Variants in TMOD3 observed in about 807,000 individuals in gnomAD.
The protein encoded by TMOD3 is tropomodulin-3.
TMOD3 carries 20 observed loss-of-function variants against 39.2 expected under a neutral mutation model. The ratio of observed to expected loss-of-function variants is 0.51; its 90% CI spans 0.36 to 0.74. TMOD3 has a LOEUF of 0.74. Among genes scored for constraint, TMOD3 ranks in the 30% least tolerant of loss-of-function variants. The probability of loss-of-function intolerance (pLI) is 0.00; values close to 1 mark genes in which losing one functional copy is unlikely to be tolerated. For synonymous variants in TMOD3, 143 were observed against 145.8 expected, an observed-to-expected ratio of 0.98 and a Z score of 0.14; for missense variants, 381 against 412.8, an observed-to-expected ratio of 0.92 and a Z score of 0.67.
intron 9 of TMOD3, among the ~76,000 whole-genome samples, chr15:51,906,424 T>C (rs920828208): frequency 1.3e-5 from 2 of 152,230 alleles, no homozygotes; most frequent in Admixed American, 1.3e-4. Context: ...CTCATTGTTT[T>C]CTTAGTCTCA....
At chr15:51,859,349 T>G in intron 1 of TMOD3, 1 of 708,444 alleles carries the variant, frequency 1.4e-6, no homozygotes, top group Non-Finnish European at 2.7e-6. Flanking sequence ...GATCAGAATC[T>G]ACAGATCCAA....
At chr15:51,895,214 A>G (rs2056614461) in intron 6 of TMOD3, among the ~76,000 whole-genome samples, 1 of 150,052 alleles carries the variant, frequency 6.7e-6, no homozygotes, top group South Asian at 2.1e-4. Flanking sequence ...GTTGATTACT[A>G]ACTTTTTTTT....
At chr15:51,897,794 A>C (rs947302057) in intron 7 of TMOD3, among the ~76,000 whole-genome samples, 3 of 150,978 alleles carry the variant, frequency 2.0e-5, no homozygotes, top group African/African-American at 7.3e-5. Context: ...AAAAAAAAAA[A>C]AAAACAAAAA....
intron 7 of TMOD3, 56 bp downstream of exon 7, chr15:51,896,582 T>A: frequency 7.5e-7 from 1 of 1,334,208 alleles, no homozygotes; most frequent in Non-Finnish European, 1.1e-6. Context: ...TGTGTTACAG[T>A]GGTGATTTTT....
At chr15:51,841,079 CT>C (rs1307171435) in intron 1 of TMOD3, among the ~76,000 whole-genome samples, 2 of 152,130 alleles carry the variant, frequency 1.3e-5, no homozygotes, top group Non-Finnish European at 2.9e-5. Flanking sequence ...GGCTCTTAGC[CT>C]TTCTGAGCTT....
chr15:51,860,369 A>C, intron 1 of TMOD3: 2 of 543,412 alleles, frequency 3.7e-6, no homozygotes, highest in Middle Eastern at 6.3e-4. Context: ...GATTCTCCAC[A>C]TCCATGTTGG....
At chr15:51,845,511 C>G (rs1409146506) in intron 1 of TMOD3, among the ~76,000 whole-genome samples, 1 of 152,152 alleles carries the variant, frequency 6.6e-6, no homozygotes. Flanking sequence ...TAATTCCGTA[C>G]TTTGGGAGGC....
intron 3 of TMOD3, among the ~76,000 whole-genome samples, chr15:51,883,947 A>G (rs554388865): frequency 2.0e-5 from 3 of 152,252 alleles, no homozygotes; most frequent in Admixed American, 1.3e-4. Flanking sequence ...TGGAATTATC[A>G]GGACATAATG....
chr15:51,841,855 C>T (rs190444323), intron 1 of TMOD3, among the ~76,000 whole-genome samples: 12 of 152,254 alleles, frequency 7.9e-5, no homozygotes, highest in African/African-American at 2.2e-4. Flanking sequence ...CTGCAACCTC[C>T]GCTTCCTGTG....
chr15:51,862,913 A>G lies in TMOD3; in HGVS notation c.29A>G (p.Glu10Gly), dbSNP rs1465697804. 6.2e-7 allele frequency: 1 copy of G among 1,614,014 alleles called. No homozygotes were observed. Among genetic ancestry groups the G allele is most frequent in the East Asian group, 2.2e-5 (1 of 44,876 alleles). ...GCACTGCCATTCCGTAAGGACTTAG[A>G]AAAGTACAAAGACCTTGATGAAGAT... MALPFRKDLEKYKDLDEDEL... is the reference protein window; with the variant it reads MALPFRKDLGKYKDLDEDEL... Residue 10 changes from glutamate to glycine, a missense_variant, in exon 2 of 10, where the codon GAA (glutamate) becomes GGA (glycine). Physicochemically the swap from Glu to Gly is moderately conservative, Grantham distance 98. Transcript: ENST00000308580.
At chr15:51,850,303 G>T (rs1188501682) in intron 1 of TMOD3, among the ~76,000 whole-genome samples, 1 of 152,160 alleles carries the variant, frequency 6.6e-6, no homozygotes, top group Non-Finnish European at 1.5e-5. Flanking sequence ...GTATAAATGA[G>T]CAGGGATGGG....
chr15:51,860,245 G>A (rs375167057), intron 1 of TMOD3: 8 of 508,308 alleles, frequency 1.6e-5, no homozygotes, highest in Non-Finnish European at 2.3e-5. Context: ...AAGTCAAATC[G>A]CTGTGCAGTT....
intron 1 of TMOD3, among the ~76,000 whole-genome samples, chr15:51,844,699 C>G (rs905376899): frequency 1.3e-5 from 2 of 152,072 alleles, no homozygotes; most frequent in African/African-American, 4.8e-5. Flanking sequence ...GTGATTGAAT[C>G]TTTTTTGCAT....
chr15:51,854,749 A>C (rs2056379730), intron 1 of TMOD3, among the ~76,000 whole-genome samples: 1 of 152,218 alleles, frequency 6.6e-6, no homozygotes, highest in African/African-American at 2.4e-5. Flanking sequence ...GCAATGATAA[A>C]TATAAATGTA....
chr15:51,867,249 A>G (rs919819776), intron 2 of TMOD3, among the ~76,000 whole-genome samples: 3 of 152,214 alleles, frequency 2.0e-5, no homozygotes, highest in African/African-American at 7.2e-5. Context: ...CGACCAAAGT[A>G]ATAATGTTGG....
At chr15:51,876,156 ATGTTGTTGTTGT>A (rs529178531) in intron 3 of TMOD3, among the ~76,000 whole-genome samples, 46 of 151,284 alleles carry the variant, frequency 3.0e-4, no homozygotes, top group African/African-American at 1.1e-3. Context: ...CTGTTCTTTG[ATGTTGTTGTTGT>A]TGTTGTTGTT....
intron 3 of TMOD3, among the ~76,000 whole-genome samples, chr15:51,872,349 C>T (rs1333094483): frequency 6.6e-6 from 1 of 151,866 alleles, no homozygotes; most frequent in East Asian, 1.9e-4. Context: ...GCCGAGGTTG[C>T]TCTACTGTAC....
intron 1 of TMOD3, among the ~76,000 whole-genome samples, chr15:51,836,747 A>G (rs940860977): frequency 6.6e-6 from 1 of 151,898 alleles, no homozygotes; most frequent in African/African-American, 2.4e-5. Flanking sequence ...GAAAAAAGAA[A>G]AAAGAAAAAT....
At chr15:51,830,906 C>A (rs896151451) in intron 1 of TMOD3, among the ~76,000 whole-genome samples, 2 of 152,130 alleles carry the variant, frequency 1.3e-5, no homozygotes, top group African/African-American at 2.4e-5. Flanking sequence ...GTTACAGTCC[C>A]CTTTCTTACA....
Sources: allele counts gnomAD v4.1 joint callset (sites outside exome capture counted in the v4.1 genomes callset), GRCh38; gene constraint gnomAD v4.1.1; transcripts MANE v1.5; gene names NCBI Gene and HGNC (gene_info 2026-07-23, HGNC 2026-07-21).